CHST8: variants seen among roughly 807,000 people sequenced by gnomAD.
CHST8 encodes the protein carbohydrate sulfotransferase 8.
Under a neutral mutation model 15.0 loss-of-function variants are expected in CHST8, and 10 were observed. The ratio of observed to expected loss-of-function variants is 0.67; its 90% CI spans 0.41 to 1.13. The LOEUF (loss-of-function observed/expected upper bound fraction) is 1.13, where lower values mean the gene tolerates loss of function less well. Ranked by LOEUF, CHST8 falls within the 50% of genes most tolerant of loss-of-function variation. The pLI is 0.00. For missense variants in CHST8, 634 were observed against 608.2 expected, an observed-to-expected ratio of 1.04 and a Z score of -0.45; for synonymous variants, 259 against 256.6, an observed-to-expected ratio of 1.01 and a Z score of -0.09.
chr19:33,690,974 C>A (rs1973090949), intron 3 of CHST8, among the ~76,000 whole-genome samples: 1 of 152,204 alleles, frequency 6.6e-6, no homozygotes, highest in African/African-American at 2.4e-5. Context: ...GCGGCCAGTA[C>A]CCACATTCTG....
At chr19:33,733,193 C>T (rs917448053) in intron 3 of CHST8, among the ~76,000 whole-genome samples, 1 of 151,734 alleles carries the variant, frequency 6.6e-6, no homozygotes, top group African/African-American at 2.4e-5. Flanking sequence ...GTTTTTGAAG[C>T]ACTGTGTCTG....
intron 3 of CHST8, among the ~76,000 whole-genome samples, chr19:33,749,803 G>A (rs563427601): frequency 2.0e-5 from 3 of 152,318 alleles, no homozygotes; most frequent in Admixed American, 1.3e-4. Context: ...AAGGACATGT[G>A]CCCTTAGCTA....
chr19:33,773,166 G>A lies in CHST8; in HGVS notation c.*103G>A. Reference sequence around the variant, plus strand: ...CTCATCCTGGGAGCAACAGGGCTCTGAGGACGTGAGGAGCCATCGCTGTGG... The same window carrying A: ...CTCATCCTGGGAGCAACAGGGCTCTAAGGACGTGAGGAGCCATCGCTGTGG... On this transcript the variant is annotated 3_prime_UTR_variant, in exon 5 of 5. Coordinates refer to ENST00000650847, the MANE Select transcript of CHST8 (RefSeq NM_001127895.2). 3 of 1,295,246 alleles carry A rather than the reference G, an allele frequency of 2.3e-6. No individual in the cohort carries two copies. Among genetic ancestry groups the A allele is most frequent in the Admixed American group, 2.7e-5 (1 of 37,022 alleles). The allele number at this position is 1,295,246 out of a possible 1,614,324, so 80.2% of individuals were successfully genotyped here.
intron 1 of CHST8, among the ~76,000 whole-genome samples, chr19:33,642,293 G>A (rs1458976680): frequency 1.3e-5 from 2 of 151,266 alleles, no homozygotes; most frequent in African/African-American, 2.5e-5. Flanking sequence ...GGCAGCAGAG[G>A]GCCCCCCCCC....
chr19:33,744,655 C>A (rs891848903), intron 3 of CHST8, among the ~76,000 whole-genome samples: 1 of 152,128 alleles, frequency 6.6e-6, no homozygotes, highest in African/African-American at 2.4e-5. Context: ...CGAATGAACT[C>A]TTCGGCTCAA....
Position 33,689,310 on chromosome 19 carries a change from A to C in CHST8, c.49A>C (p.Ile17Leu). ...GCGGCTGGCCTGCATGTTCTCTTCC[A>C]TCCTGCTGTTCGGAGCTGCAGGCCT... The part of the protein sequence containing the change: ...TMRLACMFSS[I>L]LLFGAAGLLL... Residue 17 changes from isoleucine to leucine, a missense_variant, in exon 3 of 5, where the codon ATC becomes CTC. Transcript: ENST00000650847. 1.2e-6 allele frequency: 2 copies of C among 1,609,372 alleles called. No homozygotes were observed. Among genetic ancestry groups the C allele is most frequent in the Non-Finnish European group, 1.7e-6 (2 of 1,178,418 alleles).
intron 3 of CHST8, among the ~76,000 whole-genome samples, chr19:33,762,752 G>A (rs80209790): frequency 0.085 from 12,963 of 152,248 alleles, 789 homozygotes; most frequent in Non-Finnish European, 0.13. Flanking sequence ...CATATGTTTG[G>A]CACATTTTAC....
chr19:33,741,901 A>G (rs1015487794), intron 3 of CHST8, among the ~76,000 whole-genome samples: 1 of 152,066 alleles, frequency 6.6e-6, no homozygotes, highest in African/African-American at 2.4e-5. Flanking sequence ...CGGATTATAC[A>G]TCTGGGAACT....
chr19:33,722,873 T>C (rs1446736985), intron 3 of CHST8, among the ~76,000 whole-genome samples: 1 of 152,182 alleles, frequency 6.6e-6, no homozygotes, highest in South Asian at 2.1e-4. Flanking sequence ...ACTAAGTGGA[T>C]CAATAACATG....
chr19:33,630,635 A>G (rs1423190414), intron 1 of CHST8, among the ~76,000 whole-genome samples: 60 of 109,598 alleles, frequency 5.5e-4, no homozygotes, highest in South Asian at 9.1e-4. Flanking sequence ...GCATGGGGCA[A>G]GCAGTCCGTC....
At chr19:33,758,004 T>G (rs1225625527) in intron 3 of CHST8, among the ~76,000 whole-genome samples, 2 of 152,146 alleles carry the variant, frequency 1.3e-5, no homozygotes, top group Non-Finnish European at 2.9e-5. Context: ...AAATGTAGAC[T>G]GCAGCTATCC....
chr19:33,721,249 C>CAGA (rs1973784153), intron 3 of CHST8, among the ~76,000 whole-genome samples: 2 of 152,174 alleles, frequency 1.3e-5, no homozygotes, highest in African/African-American at 4.8e-5. Context: ...GCCTTGACAC[C>CAGA]AGAAGATGGA....
chr19:33,640,271 C>A (rs780530845), intron 1 of CHST8, among the ~76,000 whole-genome samples: 2 of 152,222 alleles, frequency 1.3e-5, no homozygotes, highest in Non-Finnish European at 2.9e-5. Flanking sequence ...GGCCAGAGTG[C>A]AGCCTGATTA....
At chr19:33,725,799 C>T (rs1201837159) in intron 3 of CHST8, among the ~76,000 whole-genome samples, 1 of 152,194 alleles carries the variant, frequency 6.6e-6, no homozygotes, top group Non-Finnish European at 1.5e-5. Context: ...TCTATATTCT[C>T]TCATCTGGTC....
chr19:33,772,088 G>A lies in CHST8; in HGVS notation c.300G>A (p.Gln100=), dbSNP rs199869737. The change falls in exon 5 of 5, where the codon CAG becomes CAA. Residue 100 remains glutamine (Q), a synonymous_variant. Transcript: ENST00000650847. ...PAPDQPQPPL[Q]RGTRLRLRQR... ...CTGACCAGCCTCAACCCCCGCTGCA[G>A]AGGGGAACCCGTCTGCGGCTCCGCC... 3 of 1,612,208 alleles carry A rather than the reference G, an allele frequency of 1.9e-6. No homozygotes were observed. Among genetic ancestry groups the A allele is most frequent in the East Asian group, 2.2e-5 (1 of 44,862 alleles).
rs565140880 is a variant in CHST8, at chr19:33,772,438, C to T, written c.650C>T (p.Ser217Leu). 4 of 1,611,684 alleles carry T rather than the reference C, an allele frequency of 2.5e-6. No homozygotes were observed. Among genetic ancestry groups the T allele is most frequent in the African/African-American group, 1.3e-5 (1 of 75,058 alleles). The change falls in exon 5 of 5, where the codon TCG becomes TTG. Residue 217 changes from serine to leucine, a missense_variant. Transcript: ENST00000650847. ...CTCATGGTGCTGGCCGGCCTGGCCT[C>T]GTCCACTGCCGACATCCAGCACAAC... ...RVLMVLAGLA[S>L]STADIQHNTV... is the part of the protein sequence containing the mutation.
intron 2 of CHST8, among the ~76,000 whole-genome samples, chr19:33,672,988 A>G (rs1052956630): frequency 1.6e-4 from 25 of 152,312 alleles, no homozygotes; most frequent in African/African-American, 6.0e-4. Context: ...CTGTGACCCC[A>G]TGAGATTCCC....
chr19:33,771,962 C>T lies in CHST8; in HGVS notation c.174C>T (p.Leu58=), dbSNP rs770251298. 10 of 1,564,038 alleles carry T rather than the reference C, an allele frequency of 6.4e-6. No homozygotes were observed. The highest frequency in any genetic ancestry group is 8.6e-6 in the Non-Finnish European group (10 of 1,157,814). ...NIRPRQPHHD[L]PPGGSQDGDL... ...CACTTCTCTTCTTGCCCCAGGACCT[C>T]CCACCAGGCGGCTCCCAGGATGGTG... The change falls in exon 5 of 5, where the codon CTC becomes CTT. Residue 58 remains leucine, a synonymous_variant. Transcript: ENST00000650847.
At position 33,723,109 on chromosome 19, in the gene CHST8, G is replaced by A. The variant is rs144927016; in HGVS notation, c.130+33718G>A. ...TATGCGTGATCCTGTGTTAAGTGTG[G>A]GGCTCAGTGGGAATGTGTGCACGCC... On this transcript the variant is annotated intron_variant, in intron 3 of 4. Transcript: ENST00000650847. Among the ~76,000 whole-genome samples the A allele has an allele frequency of 3.3e-5, 5 of 152,334 alleles. No homozygotes were observed. The East Asian group carries it at 9.6e-4, about 29-fold the overall frequency.
Sources: gnomAD v4.1 joint callset for allele counts (sites outside exome capture counted in the v4.1 genomes callset) on GRCh38, gnomAD v4.1.1 for gene constraint, MANE v1.5 for transcripts, NCBI Gene and HGNC (gene_info 2026-07-23, HGNC 2026-07-21) for gene names.